The following NME6 variants were observed in gnomAD, a reference collection of about 807,000 sequenced individuals.
NME6 encodes NME/NM23 nucleoside diphosphate kinase 6.
A neutral mutation model predicts 22.2 loss-of-function variants in NME6; 16 were observed. The ratio of observed to expected loss-of-function variants is 0.72; its 90% confidence interval spans 0.49 to 1.09. NME6 has a LOEUF of 1.09. Ranked by LOEUF, NME6 falls within the 50% of genes least tolerant of loss-of-function variation. The probability of loss-of-function intolerance (pLI) is 0.00; values close to 1 mark genes in which losing one functional copy is unlikely to be tolerated. For missense variants in NME6, 229 were observed against 239.0 expected (o/e 0.96, Z 0.28); for synonymous variants, 58 against 85.2 (o/e 0.68, Z 1.76).
chr3:48,296,869 G>A, intron 2 of NME6, 40 bp from the exon 3 acceptor site: 1 of 1,457,428 alleles, frequency 6.9e-7, no homozygotes, highest in Non-Finnish European at 9.6e-7. Context: ...TCAATCAGGA[G>A]ACTGAAACTG....
chr3:48,290,085 C>T (rs558931010), downstream of NME6, among the ~76,000 whole-genome samples: 2 of 150,084 alleles, frequency 1.3e-5, no homozygotes, highest in South Asian at 2.1e-4. Context: ...TTTTTTGAGA[C>T]GGGATCTCGC....
At chr3:48,298,334 G>A (rs1469593646) in intron 2 of NME6, 93 bp downstream of exon 2, 2 of 1,086,672 alleles carry the variant, frequency 1.8e-6, no homozygotes, top group African/African-American at 3.1e-5. Context: ...TCCAGCACAA[G>A]TCTGTGTTGT....
At chr3:48,301,297 C>G (rs1316886051) in intron 1 of NME6, 56 bp downstream of exon 1, 2 of 1,598,920 alleles carry the variant, frequency 1.3e-6, no homozygotes, top group Non-Finnish European at 1.7e-6. Flanking sequence ...TAAGCCCACC[C>G]CAGATTCTGG....
At chr3:48,300,227 C>T (rs2035548359) in intron 1 of NME6, 1 of 456,576 alleles carries the variant, frequency 2.2e-6, no homozygotes. Context: ...AAACCAAAAT[C>T]CTTATCACGG....
At chr3:48,292,099 C>T (rs77073577), downstream of NME6, 62 of 152,342 alleles carry the variant, frequency 4.1e-4, no homozygotes, top group African/African-American at 1.4e-3. Flanking sequence ...TGTCCCATTT[C>T]CAAATATCAT....
intron 3 of NME6, 172 bp from the exon 4 acceptor site, chr3:48,296,330 C>T (rs559024105): frequency 1.3e-4 from 111 of 876,834 alleles, no homozygotes; most frequent in South Asian, 1.2e-3. Flanking sequence ...TTACAACCTG[C>T]GTAGTTTTGG....
chr3:48,298,655 T>C (rs956372296), intron 1 of NME6, 132 bp from the exon 2 acceptor site: 31 of 635,520 alleles, frequency 4.9e-5, no homozygotes, highest in Non-Finnish European at 3.5e-5. Flanking sequence ...GACAGTTTCA[T>C]CTTAAGGCCA....
rs1165940752 is a variant in NME6, at chr3:48,295,143, T to C, written c.326A>G (p.His109Arg). ...CCCACGGATAGAATCTGGGGCCACA[T>C]GGCGTGCTCGGAACACTCTGGTGGG... ...MGPTRVFRARHVAPDSIRGSF... is the reference protein window; with the variant it reads ...MGPTRVFRARRVAPDSIRGSF... Residue 109 changes from histidine (H) to arginine (R), a missense_variant, in exon 5 of 6, where the codon CAT becomes CGT. Coordinates refer to ENST00000442597, the MANE Select transcript of NME6 (RefSeq NM_001308426.2). The C allele has an allele frequency of 1.2e-6, 2 of 1,614,146 alleles. No homozygotes were observed. Among genetic ancestry groups the C allele is most frequent in the Non-Finnish European group, 8.5e-7 (1 of 1,180,020 alleles).
rs2035690068 is a variant in NME6 at position 48,301,343 on chromosome 3, G to A, written c.-8+10C>T. On this transcript the variant is annotated intron_variant, in intron 1 of 5. Transcript: ENST00000442597. ...GCCCCAGTGCAGCAGAAGTCCGGCTGCGGGTTCACCTTGTCCTCCGGCACA... is the reference window on the plus strand; with the variant it reads ...GCCCCAGTGCAGCAGAAGTCCGGCTACGGGTTCACCTTGTCCTCCGGCACA... 6.4e-7 allele frequency: 1 copy of A among 1,572,166 alleles called. No homozygotes were observed. Among genetic ancestry groups the A allele is most frequent in the Non-Finnish European group, 8.6e-7 (1 of 1,158,716 alleles).
intron 5 of NME6, 91 bp downstream of exon 5, chr3:48,294,984 A>G: frequency 6.7e-7 from 1 of 1,496,328 alleles, no homozygotes. Flanking sequence ...CAAATGGAAG[A>G]AAGCTCACTG....
downstream of NME6, among the ~76,000 whole-genome samples, chr3:48,288,013 G>A (rs2034257276): frequency 6.6e-6 from 1 of 152,170 alleles, no homozygotes; most frequent in Admixed American, 6.6e-5. Flanking sequence ...CTAGGAAGAC[G>A]TGGGAGACAT....
downstream of NME6, chr3:48,292,044 C>G (rs370511039): frequency 6.6e-6 from 1 of 152,278 alleles, no homozygotes; most frequent in Non-Finnish European, 1.5e-5. Context: ...GGATTACAGG[C>G]GTGAGCCACC....
At chr3:48,290,945 T>G (rs1032289965), downstream of NME6, 5 of 273,322 alleles carry the variant, frequency 1.8e-5, no homozygotes, top group South Asian at 4.4e-5. Context: ...TAACTCTCTG[T>G]GCTAAGCAGT....
chr3:48,298,556 A>C, intron 1 of NME6, 33 bp from the exon 2 acceptor site: 2 of 1,497,014 alleles, frequency 1.3e-6, no homozygotes. Context: ...GGAACCCTTC[A>C]GGACGGCACT....
At chr3:48,297,182 G>A (rs938693214) in intron 2 of NME6, among the ~76,000 whole-genome samples, 3 of 152,142 alleles carry the variant, frequency 2.0e-5, no homozygotes, top group African/African-American at 7.2e-5. Flanking sequence ...TAATTGACAC[G>A]TCACACTCTG....
At chr3:48,289,090 G>T (rs1286313232), downstream of NME6, among the ~76,000 whole-genome samples, 3 of 151,758 alleles carry the variant, frequency 2.0e-5, no homozygotes, top group African/African-American at 4.8e-5. Flanking sequence ...TTGAGACGGA[G>T]TTTCGCTCTT....
chr3:48,296,825 A>T lies in NME6; in HGVS notation c.95T>A (p.Val32Asp). ...CTTGTTGCTTAGAATCTGCTGATGA[A>T]CAGCCTGAATAAAGACCATCCCCAA... ...AVAHPLILEA[V>D]HQQILSNKFL... Residue 32 changes from valine (V) to aspartate (D), a missense_variant, in exon 3 of 6, where the codon GTT becomes GAT. By Grantham distance (152) the Val-to-Asp change is radical. Transcript: ENST00000442597. The T allele has an allele frequency of 6.2e-7, 1 of 1,611,328 alleles. No homozygotes were observed.
intron 3 of NME6, 155 bp from the exon 4 acceptor site, chr3:48,296,313 C>T (rs1003291109): frequency 9.9e-6 from 10 of 1,011,978 alleles, no homozygotes; most frequent in Non-Finnish European, 1.2e-5. Flanking sequence ...AATCCAGGGT[C>T]TGCCACTTAC....
chr3:48,301,276 T>C (rs1303195496), intron 1 of NME6, 77 bp downstream of exon 1: 1 of 1,597,172 alleles, frequency 6.3e-7, no homozygotes, highest in African/African-American at 1.3e-5. Flanking sequence ...TCACCCCTCG[T>C]ACCCGGGGCC....
Sources: allele counts gnomAD v4.1 joint callset (sites outside exome capture counted in the v4.1 genomes callset), GRCh38; gene constraint gnomAD v4.1.1; transcripts MANE v1.5; gene names NCBI Gene and HGNC (gene_info 2026-07-23, HGNC 2026-07-21).